Variants in GFRAL observed in about 807,000 individuals in gnomAD.
GFRAL encodes GDNF family receptor alpha-like.
A neutral mutation model predicts 45.4 loss-of-function variants in GFRAL; 36 were observed. The observed-to-expected ratio is 0.79, with a 90% CI of 0.61 to 1.05. The LOEUF (loss-of-function observed/expected upper bound fraction) is 1.05. GFRAL is among the 50% of genes least tolerant of loss of function. GFRAL has a pLI of 0.00. For missense variants in GFRAL, 507 were observed against 467.5 expected (o/e 1.08, Z -0.78); for synonymous variants, 166 against 154.1 (o/e 1.08, Z -0.57).
chr6:55,344,800 T>A (rs1311879108), intron 3 of GFRAL, among the ~76,000 whole-genome samples: 2 of 152,188 alleles, frequency 1.3e-5, no homozygotes, highest in Admixed American at 1.3e-4. Flanking sequence ...TCCCATCATC[T>A]CAGCCCAAAA....
At chr6:55,378,010 G>C (rs1768557091) in intron 6 of GFRAL, among the ~76,000 whole-genome samples, 1 of 152,012 alleles carries the variant, frequency 6.6e-6, no homozygotes, top group Admixed American at 6.6e-5. Context: ...TTTATTCATA[G>C]GAGAAGAAAG....
chr6:55,364,631 G>C (rs1477267033), intron 6 of GFRAL, among the ~76,000 whole-genome samples: 1 of 148,372 alleles, frequency 6.7e-6, no homozygotes, highest in Admixed American at 6.7e-5. Context: ...TGTAAGGAAG[G>C]GATTCAGTTT....
intron 6 of GFRAL, among the ~76,000 whole-genome samples, chr6:55,361,042 A>C (rs1768268645): frequency 6.6e-6 from 1 of 152,050 alleles, no homozygotes; most frequent in South Asian, 2.1e-4. Flanking sequence ...TTTTCAGAGC[A>C]AAAAATTTGC....
chr6:55,364,282 A>G (rs1768323268), intron 6 of GFRAL, among the ~76,000 whole-genome samples: 1 of 150,472 alleles, frequency 6.6e-6, no homozygotes, highest in African/African-American at 2.5e-5. Flanking sequence ...TTTTGTTGGG[A>G]TTGTTTGTTT....
chr6:55,334,643 T>A (rs1389239909), intron 3 of GFRAL, among the ~76,000 whole-genome samples: 3 of 152,190 alleles, frequency 2.0e-5, no homozygotes, highest in Non-Finnish European at 4.4e-5. Context: ...CTTCTCTCAC[T>A]TTACAAGAGG....
intron 5 of GFRAL, among the ~76,000 whole-genome samples, chr6:55,352,606 G>C (rs566749524): frequency 6.6e-6 from 1 of 152,132 alleles, no homozygotes; most frequent in Non-Finnish European, 1.5e-5. Flanking sequence ...TCCTTATTTG[G>C]TTGGATGCAG....
chr6:55,390,895 T>TAC (rs34769114), intron 6 of GFRAL, among the ~76,000 whole-genome samples: 38,118 of 135,116 alleles, frequency 0.28, 5,630 homozygotes, highest in Middle Eastern at 0.4. Flanking sequence ...CTCACACACA[T>TAC]ACACACACAC....
intron 6 of GFRAL, among the ~76,000 whole-genome samples, chr6:55,393,759 T>C (rs115778991): frequency 0.04 from 6,069 of 152,238 alleles, 169 homozygotes; most frequent in African/African-American, 0.062. Context: ...GTTTAGATCA[T>C]GTGGGACTTC....
intron 6 of GFRAL, among the ~76,000 whole-genome samples, chr6:55,386,192 T>G (rs1008162351): frequency 2.6e-5 from 4 of 152,162 alleles, no homozygotes; most frequent in African/African-American, 9.7e-5. Context: ...AGATTACCTT[T>G]TATTGCTTTG....
At chr6:55,369,134 G>T (rs1462397819) in intron 6 of GFRAL, among the ~76,000 whole-genome samples, 1 of 151,568 alleles carries the variant, frequency 6.6e-6, no homozygotes, top group Non-Finnish European at 1.5e-5. Context: ...GTGCTGGATA[G>T]AATCTCATGG....
chr6:55,401,816 G>A lies in GFRAL; in HGVS notation c.1148G>A (p.Arg383Lys). ...ACTTCCAGAATATCAAGTAAAGCAA[G>A]AGATCCTTCATCGATCCAAATACCT... ...LRTSRISSKA[R>K]DPSSIQIPGE... The change falls in exon 9 of 9, where the codon AGA becomes AAA. Residue 383 changes from arginine (R) to lysine (K), a missense_variant. Arg to Lys is a conservative substitution (Grantham distance 26). Coordinates refer to ENST00000340465, the MANE Select transcript of GFRAL (RefSeq NM_207410.2). The A allele has an allele frequency of 6.5e-7, 1 of 1,547,172 alleles. No homozygotes were observed. The highest frequency in any genetic ancestry group is 8.9e-7 in the Non-Finnish European group (1 of 1,118,680).
chr6:55,395,175 A>AAATATATATATATATATATATATATAT, intron 6 of GFRAL, among the ~76,000 whole-genome samples: 11 of 123,482 alleles, frequency 8.9e-5, no homozygotes, highest in African/African-American at 3.1e-4. Flanking sequence ...AAAAAAAAAA[A>AAATATATATATATATATATATATATAT]ATATATATAT....
chr6:55,371,851 C>G (rs1284680602), intron 6 of GFRAL, among the ~76,000 whole-genome samples: 2 of 152,068 alleles, frequency 1.3e-5, no homozygotes, highest in South Asian at 2.1e-4. Context: ...GGAAAAAAAA[C>G]AGACACAAAT....
intron 5 of GFRAL, among the ~76,000 whole-genome samples, chr6:55,354,385 G>A (rs1035608103): frequency 1.3e-5 from 2 of 150,392 alleles, no homozygotes; most frequent in Non-Finnish European, 2.9e-5. Context: ...CTCAAAAAAC[G>A]TCATCTCCCT....
chr6:55,399,353 CT>C lies in GFRAL; in HGVS notation c.1049-11del, dbSNP rs1455282927. ...AATCCAGTGACTATTATTTCTTAAT[CT>C]TTTTCTTTTTCTAGGAGAAGTAATC... is the stretch of plus-strand genomic sequence containing the variant. On this transcript the variant is annotated splice_polypyrimidine_tract_variant and intron_variant, in intron 7 of 8. Coordinates refer to ENST00000340465, the MANE Select transcript of GFRAL (RefSeq NM_207410.2). 2 of 1,592,348 alleles carry C rather than the reference CT, an allele frequency of 1.3e-6. No homozygotes were observed. The highest frequency in any genetic ancestry group is 2.2e-5 in the East Asian group (1 of 44,638).
chr6:55,399,664 AT>A (rs1176063215), intron 8 of GFRAL, among the ~76,000 whole-genome samples: 1 of 152,152 alleles, frequency 6.6e-6, no homozygotes, highest in African/African-American at 2.4e-5. Flanking sequence ...GTTGCATTTC[AT>A]AAGCACATAT....
chr6:55,391,927 C>G (rs2127365814), intron 6 of GFRAL, among the ~76,000 whole-genome samples: 1 of 152,310 alleles, frequency 6.6e-6, no homozygotes, highest in Middle Eastern at 3.4e-3. Context: ...CTCTTCTCGT[C>G]TCCAGCTTCT....
At chr6:55,352,475 A>G (rs568072841) in intron 5 of GFRAL, among the ~76,000 whole-genome samples, 1 of 152,206 alleles carries the variant, frequency 6.6e-6, no homozygotes, top group Non-Finnish European at 1.5e-5. Flanking sequence ...CTGGGTGCTT[A>G]TGAGCGACAG....
intron 5 of GFRAL, among the ~76,000 whole-genome samples, chr6:55,358,400 A>T (rs919029895): frequency 1.6e-4 from 24 of 152,000 alleles, no homozygotes; most frequent in Non-Finnish European, 4.4e-5. Flanking sequence ...ATACCTCACA[A>T]CATATTGTAA....
Sources: allele counts gnomAD v4.1 joint callset (sites outside exome capture counted in the v4.1 genomes callset), GRCh38; gene constraint gnomAD v4.1.1; transcripts MANE v1.5; gene names NCBI Gene and HGNC (gene_info 2026-07-23, HGNC 2026-07-21).